Variants in CRACD observed in about 807,000 individuals in gnomAD.
The protein encoded by CRACD is capping protein-inhibiting regulator of actin dynamics.
CRACD carries 56 observed loss-of-function variants against 106.8 expected under a neutral mutation model. The ratio of observed to expected loss-of-function variants is 0.52; its 90% CI spans 0.42 to 0.66. The LOEUF is 0.66. CRACD is among the 30% of genes least tolerant of loss of function. The pLI, the probability that CRACD is intolerant of heterozygous loss-of-function variation, is 0.00. For synonymous variants in CRACD, 754 were observed against 670.8 expected, an observed-to-expected ratio of 1.12 and a Z score of -1.92; for missense variants, 1,730 against 1,623.2, an observed-to-expected ratio of 1.07 and a Z score of -1.13.
chr4:56,325,916 G>A (rs558119620), intron 10 of CRACD, among the ~76,000 whole-genome samples: 2 of 152,206 alleles, frequency 1.3e-5, no homozygotes, highest in South Asian at 2.1e-4. Flanking sequence ...AGTTTTGTTT[G>A]GCATTTTGAG....
chr4:56,294,116 C>T (rs1051042757), intron 3 of CRACD, among the ~76,000 whole-genome samples: 1 of 151,892 alleles, frequency 6.6e-6, no homozygotes, highest in African/African-American at 2.4e-5. Context: ...GTCCCAGCTA[C>T]TTGGGAGACT....
chr4:56,238,865 G>A (rs1312537284), intron 2 of CRACD, among the ~76,000 whole-genome samples: 1 of 152,094 alleles, frequency 6.6e-6, no homozygotes, highest in Non-Finnish European at 1.5e-5. Context: ...TGAGCTGCCT[G>A]TTTACATCCT....
At chr4:56,185,294 C>T (rs1737039877) in intron 2 of CRACD, among the ~76,000 whole-genome samples, 1 of 152,106 alleles carries the variant, frequency 6.6e-6, no homozygotes, top group Non-Finnish European at 1.5e-5. Flanking sequence ...GTTTTGCACC[C>T]GTCACCTCTG....
At chr4:56,227,125 A>C (rs1739342946) in intron 2 of CRACD, among the ~76,000 whole-genome samples, 1 of 152,190 alleles carries the variant, frequency 6.6e-6, no homozygotes, top group Non-Finnish European at 1.5e-5. Context: ...AATGGACTAA[A>C]ACAGGATTCC....
chr4:56,290,071 G>A (rs1427995779), intron 3 of CRACD, among the ~76,000 whole-genome samples: 1 of 152,178 alleles, frequency 6.6e-6, no homozygotes, highest in Non-Finnish European at 1.5e-5. Context: ...GCTGCTTCCA[G>A]TTTACTCGTA....
intron 1 of CRACD, among the ~76,000 whole-genome samples, chr4:56,153,515 C>G (rs990536315): frequency 6.6e-6 from 1 of 152,208 alleles, no homozygotes; most frequent in South Asian, 2.1e-4. Context: ...CTTGGCTGAG[C>G]CCTCCTTCCT....
chr4:56,098,157 A>C (rs1359384059), intron 1 of CRACD, among the ~76,000 whole-genome samples: 2 of 152,216 alleles, frequency 1.3e-5, no homozygotes, highest in Non-Finnish European at 2.9e-5. Flanking sequence ...GACTTGACAA[A>C]TGTGTTACTG....
chr4:56,281,891 T>C (rs1171513125), intron 3 of CRACD, among the ~76,000 whole-genome samples: 1 of 152,214 alleles, frequency 6.6e-6, no homozygotes, highest in Non-Finnish European at 1.5e-5. Context: ...CCATTTGAGA[T>C]TCCAAACTTT....
chr4:56,112,213 T>C (rs10000461), intron 1 of CRACD, among the ~76,000 whole-genome samples: 71,423 of 151,570 alleles, frequency 0.47, 18,020 homozygotes, highest in African/African-American at 0.66. Context: ...TGCTGACATC[T>C]AGATAGCAGC....
chr4:56,236,349 T>A (rs553724379), intron 2 of CRACD, among the ~76,000 whole-genome samples: 1 of 152,332 alleles, frequency 6.6e-6, no homozygotes, highest in African/African-American at 2.4e-5. Context: ...GGCCTTGATC[T>A]CAGACTTCCC....
intron 2 of CRACD, among the ~76,000 whole-genome samples, chr4:56,258,822 G>A (rs1480164060): frequency 6.6e-6 from 1 of 152,158 alleles, no homozygotes; most frequent in African/African-American, 2.4e-5. Flanking sequence ...GTGACAGAAA[G>A]GTCTTTGGGA....
chr4:56,263,721 A>T (rs1450068456), intron 2 of CRACD, among the ~76,000 whole-genome samples: 7 of 152,214 alleles, frequency 4.6e-5, no homozygotes, highest in East Asian at 1.9e-4. Flanking sequence ...GAGAATATTT[A>T]AAAAATATTT....
intron 2 of CRACD, among the ~76,000 whole-genome samples, chr4:56,211,964 T>C (rs1420087687): frequency 6.6e-6 from 1 of 152,082 alleles, no homozygotes; most frequent in Non-Finnish European, 1.5e-5. Context: ...GCCTAGGTAT[T>C]TGAGTGCCTC....
At chr4:56,167,323 A>C (rs757070427) in intron 1 of CRACD, among the ~76,000 whole-genome samples, 2 of 152,236 alleles carry the variant, frequency 1.3e-5, no homozygotes, top group East Asian at 3.8e-4. Flanking sequence ...TGTGTAGGAC[A>C]ATGTGTATCT....
intron 1 of CRACD, among the ~76,000 whole-genome samples, chr4:56,098,974 C>A (rs142804857): frequency 6.6e-6 from 1 of 152,150 alleles, no homozygotes; most frequent in African/African-American, 2.4e-5. Context: ...CCATGGTGCC[C>A]AGCCCGGGAT....
At position 56,314,888 on chromosome 4, in the gene CRACD, A is replaced by C. The variant is rs1281363752; in HGVS notation, c.1386A>C (p.Arg462Ser). The C allele has an allele frequency of 6.2e-7, 1 of 1,610,932 alleles. No individual in the cohort carries two copies. Among genetic ancestry groups the C allele is most frequent in the Admixed American group, 1.7e-5 (1 of 59,556 alleles). Residue 462 changes from arginine (R) to serine (S), a missense_variant, in exon 8 of 11, where the codon AGA (arginine) becomes AGC (serine). Physicochemically the swap from Arg to Ser is moderately radical, Grantham distance 110. This residue lies in a region of CRACD where 1,620 missense variants were observed against 1,481.6 expected (regional missense o/e 1.09). Coordinates refer to ENST00000682029, the MANE Select transcript of CRACD (RefSeq NM_001393381.1). This position sits in a 1 kb window ranked among gnomAD's most constrained non-coding sequence, Gnocchi z 4.4. ...AGAACCCAGAGGCCGAGCGGCGAAGAGAGCAGCAGGGAAGGAGCGGGGATT... is the reference window on the plus strand; with the variant it reads ...AGAACCCAGAGGCCGAGCGGCGAAGCGAGCAGCAGGGAAGGAGCGGGGATT... ...EEQNPEAERR[R>S]EQQGRSGDFQ... is the part of the protein sequence containing the mutation.
chr4:56,237,103 A>G (rs1038513562), intron 2 of CRACD, among the ~76,000 whole-genome samples: 8 of 152,178 alleles, frequency 5.3e-5, no homozygotes, highest in African/African-American at 1.7e-4. Flanking sequence ...ATTTATTTTA[A>G]CATTGCTTAT....
chr4:56,205,165 G>T (rs913764352), intron 2 of CRACD, among the ~76,000 whole-genome samples: 1 of 151,868 alleles, frequency 6.6e-6, no homozygotes, highest in Non-Finnish European at 1.5e-5. Context: ...CAAAAATAAA[G>T]AAATAAATAA....
At chr4:56,194,629 G>T (rs1737523763) in intron 2 of CRACD, among the ~76,000 whole-genome samples, 2 of 152,188 alleles carry the variant, frequency 1.3e-5, no homozygotes. Context: ...GGAGACCCAA[G>T]AGAGTTCCCT....
Sources: allele counts gnomAD v4.1 joint callset (sites outside exome capture counted in the v4.1 genomes callset), GRCh38; gene constraint gnomAD v4.1.1; regional missense constraint gnomAD v4.1.1; non-coding constraint Gnocchi (gnomAD v3.1); transcripts MANE v1.5; gene names NCBI Gene and HGNC (gene_info 2026-07-23, HGNC 2026-07-21).